Variants in NEB observed in about 807,000 individuals in gnomAD.
NEB encodes nebulin.
Under a neutral mutation model 952.2 loss-of-function variants are expected in NEB, and 512 were observed. The ratio of observed to expected loss-of-function variants is 0.54; its 90% confidence interval spans 0.50 to 0.58. NEB has a LOEUF of 0.58. Among genes scored for constraint, NEB ranks in the 20% least tolerant of loss-of-function variants. The pLI is 0.00. For synonymous variants in NEB, 2,900 were observed against 3,149.8 expected (o/e 0.92, Z 2.66); for missense variants, 8,428 against 9,231.1 (o/e 0.91, Z 3.56).
At chr2:151,539,640 G>A (rs566605570) in intron 138 of NEB, among the ~76,000 whole-genome samples, 37 of 152,246 alleles carry the variant, frequency 2.4e-4, no homozygotes, top group South Asian at 8.3e-4. Flanking sequence ...CACAAAACCC[G>A]TAAGGATTGG....
intron 13 of NEB, among the ~76,000 whole-genome samples, chr2:151,704,675 C>A (rs2099697233): frequency 6.6e-6 from 1 of 152,202 alleles, no homozygotes; most frequent in South Asian, 2.1e-4. Flanking sequence ...CTCTCTGACC[C>A]CTTGCGCTTC....
chr2:151,683,487 T>C (rs1361931759), intron 28 of NEB, among the ~76,000 whole-genome samples: 1 of 152,226 alleles, frequency 6.6e-6, no homozygotes, highest in Non-Finnish European at 1.5e-5. Flanking sequence ...TTAAGTAGAA[T>C]GGAAAATCAA....
intron 25 of NEB, 71 bp downstream of exon 25, chr2:151,688,221 T>A: frequency 1.6e-6 from 2 of 1,258,118 alleles, no homozygotes; most frequent in Non-Finnish European, 2.3e-6. Flanking sequence ...CCTTGTCTTG[T>A]CTTTTAAAAT....
chr2:151,538,348 A>G, intron 138 of NEB, 104 bp from the exon 139 acceptor site: 3 of 850,564 alleles, frequency 3.5e-6, no homozygotes, highest in Non-Finnish European at 5.6e-6. Context: ...TTTCCCATGA[A>G]TACATTTAGG....
At chr2:151,644,614 C>G (rs767471214) in intron 55 of NEB, 39 bp from the exon 56 acceptor site, 2 of 1,499,618 alleles carry the variant, frequency 1.3e-6, no homozygotes, top group South Asian at 2.3e-5. Flanking sequence ...AATACTGTTC[C>G]CCATAGACAA....
At position 151,541,575 on chromosome 2, in the gene NEB, C is replaced by T. The variant is rs913811836; in HGVS notation, c.20578-24G>A. 3.2e-6 allele frequency: 5 copies of T among 1,579,490 alleles called. No individual in the cohort carries two copies. In the African/African-American group the frequency reaches 6.8e-5, roughly 21 times the overall value. ...AGCTAGACATAAACCAAGTTATCAC[C>T]ATCATTTCTGTTTCATGGGCATGTT... On this transcript the variant is annotated intron_variant, in intron 135 of 181. Coordinates refer to ENST00000397345, the MANE Select transcript of NEB (RefSeq NM_001164508.2).
chr2:151,523,767 G>A (rs2083542450), intron 153 of NEB, among the ~76,000 whole-genome samples: 1 of 152,148 alleles, frequency 6.6e-6, no homozygotes, highest in Non-Finnish European at 1.5e-5. Flanking sequence ...AGCACCCTGT[G>A]CATACCCTGA....
Position 151,663,714 on chromosome 2 carries a change from T to C in NEB, c.5597A>G (p.Lys1866Arg), listed in dbSNP as rs1313831302. ...GTCCACCGGGGTGTGGAAGGAGGTC[T>C]TGGATTTCTCATATCCCTTCTTGTA... The part of the protein sequence containing the change: ...REYKKGYEKS[K>R]TSFHTPVDML... Residue 1866 changes from lysine (K) to arginine (R), a missense_variant, in exon 45 of 182, where the codon AAG becomes AGG. Lys to Arg is a conservative substitution (Grantham distance 26, BLOSUM62 2). Around this residue, in one of 11 missense-constraint regions of NEB, gnomAD observed 2,851 missense variants for 2,791.5 expected, o/e 1.02. Transcript: ENST00000397345. The C allele has an allele frequency of 7.4e-6, 12 of 1,613,806 alleles. No individual in the cohort carries two copies. The highest frequency in any genetic ancestry group is 1.0e-5 in the Non-Finnish European group (12 of 1,179,780).
intron 146 of NEB, among the ~76,000 whole-genome samples, chr2:151,527,797 G>A (rs1395311261): frequency 1.3e-5 from 2 of 152,152 alleles, no homozygotes; most frequent in African/African-American, 4.8e-5. Flanking sequence ...CGAAATAGAG[G>A]CTAAAATTTT....
At position 151,565,731 on chromosome 2, in the gene NEB, C is replaced by T. The variant is rs772330586; in HGVS notation, c.18246G>A (p.Gln6082=). Reference sequence around the variant, plus strand: ...CTTTGCGTACCTGACTCATCATTTCCTGGTTCTTAGTAACCCTTACATGGT... The same window carrying T: ...CTTTGCGTACCTGACTCATCATTTCTTGGTTCTTAGTAACCCTTACATGGT... ...SVDHVRVTKN[Q]EMMSQIKYKK... The change falls in exon 115 of 182, where the codon CAG becomes CAA. Residue 6082 remains glutamine, a synonymous_variant. Coordinates refer to ENST00000397345, the MANE Select transcript of NEB (RefSeq NM_001164508.2). 1.2e-6 allele frequency: 2 copies of T among 1,612,230 alleles called. No homozygotes were observed. Among genetic ancestry groups the T allele is most frequent in the Non-Finnish European group, 1.7e-6 (2 of 1,179,134 alleles).
chr2:151,694,731 A>G lies in NEB; in HGVS notation c.1675-102T>C. ...AAATACCTTATCTTAATATAAAATA[A>G]ATGGGCCCTTTTTATTGTCTAGGAA... On this transcript the variant is annotated intron_variant, in intron 18 of 181. Transcript: ENST00000397345. The G allele has an allele frequency of 5.8e-6, 5 of 856,256 alleles. No homozygotes were observed. In the South Asian group the frequency reaches 8.2e-5, roughly 14 times the overall value. 53.0% of individuals were successfully genotyped at this position (856,256 alleles called of 1,614,324 possible).
intron 34 of NEB, 89 bp from the exon 35 acceptor site, chr2:151,675,480 A>T (rs1045152496): frequency 1.2e-6 from 1 of 841,944 alleles, no homozygotes; most frequent in Non-Finnish European, 1.8e-6. Context: ...ATCACCCATG[A>T]TTTTCTAGTG....
intron 159 of NEB, 26 bp downstream of exon 159, chr2:151,514,292 G>C (rs141178569): frequency 3.1e-4 from 458 of 1,462,624 alleles, no homozygotes; most frequent in East Asian, 2.0e-3. Flanking sequence ...TATGAATTAC[G>C]TGCAGGCAGT....
At chr2:151,538,094 G>A (rs2093480755) in intron 139 of NEB, 46 bp downstream of exon 139, 2 of 1,515,268 alleles carry the variant, frequency 1.3e-6, no homozygotes, top group East Asian at 2.3e-5. Context: ...ATATGTATAT[G>A]GTGAGTTGTA....
Position 151,535,702 on chromosome 2 carries a change from A to G in NEB, c.21301T>C (p.Leu7101=), listed in dbSNP as rs779321362. The change falls in exon 142 of 182, where the codon TTG becomes CTG. Residue 7101 remains leucine, a synonymous_variant. Transcript: ENST00000397345. ...TTATTCATACATACCTCATTCATCA[A>G]TTGAGTTGCATACTTGAAATGCCTA... ...INRHFKYATQ[L]MNERKYKSSA... is the part of the protein sequence containing the mutation. 15 of 1,602,930 alleles carry G rather than the reference A, an allele frequency of 9.4e-6. No homozygotes were observed. Among genetic ancestry groups the G allele is most frequent in the Admixed American group, 6.7e-5 (4 of 59,312 alleles).
chr2:151,652,463 C>T (rs1026267757), intron 52 of NEB, among the ~76,000 whole-genome samples: 6 of 152,104 alleles, frequency 3.9e-5, no homozygotes, highest in Non-Finnish European at 8.8e-5. Context: ...GGCTTCAAAT[C>T]ATCTTCCTGC....
At chr2:151,613,589 A>T (rs1314901745) in intron 77 of NEB, among the ~76,000 whole-genome samples, 1 of 152,162 alleles carries the variant, frequency 6.6e-6, no homozygotes, top group Non-Finnish European at 1.5e-5. Flanking sequence ...ATGTCCTATT[A>T]TAGTTTGATA....
rs767693366 is a variant in NEB, at chr2:151,723,487, C to T, written c.613-1G>A. On this transcript the variant is annotated splice_acceptor_variant, in intron 8 of 181. Coordinates refer to ENST00000397345, the MANE Select transcript of NEB (RefSeq NM_001164508.2). LOFTEE classifies it high-confidence loss of function. Reference sequence around the variant, plus strand: ...CTTCCCAGTCTTCAGTGTACAGTTTCTAAATCAAAAAAGAGTGAAAAGTTA... The same window carrying T: ...CTTCCCAGTCTTCAGTGTACAGTTTTTAAATCAAAAAAGAGTGAAAAGTTA... 1 of 1,596,786 alleles carries T rather than the reference C, an allele frequency of 6.3e-7. No homozygotes were observed. The highest frequency in any genetic ancestry group is 8.5e-7 in the Non-Finnish European group (1 of 1,169,802).
intron 75 of NEB, among the ~76,000 whole-genome samples, chr2:151,616,415 G>C (rs1252618702): frequency 2.6e-5 from 4 of 152,140 alleles, no homozygotes; most frequent in Admixed American, 6.5e-5. Context: ...CTGGCCGGGC[G>C]TGGTGGCTCA....
Sources: allele counts gnomAD v4.1 joint callset (sites outside exome capture counted in the v4.1 genomes callset), GRCh38; gene constraint gnomAD v4.1.1; regional missense constraint gnomAD v4.1.1; transcripts MANE v1.5; gene names NCBI Gene and HGNC (gene_info 2026-07-23, HGNC 2026-07-21).